TMX4: variants seen among roughly 807,000 people sequenced by gnomAD.
The protein encoded by TMX4 is thioredoxin related transmembrane protein 4.
In TMX4, 23 loss-of-function variants were observed where a neutral mutation model predicts 33.3. The ratio of observed to expected loss-of-function variants is 0.69; its 90% CI spans 0.50 to 0.98. TMX4 has a LOEUF of 0.98. TMX4 is among the 50% of genes least tolerant of loss of function. The probability of loss-of-function intolerance (pLI) is 0.00; values close to 1 mark genes in which losing one functional copy is unlikely to be tolerated. For synonymous variants in TMX4, 164 were observed against 161.5 expected, an observed-to-expected ratio of 1.02 and a Z score of -0.12; for missense variants, 399 against 448.9, an observed-to-expected ratio of 0.89 and a Z score of 1.01.
chr20:8,008,667 C>T (rs993895371), intron 2 of TMX4, among the ~76,000 whole-genome samples: 10 of 152,112 alleles, frequency 6.6e-5, no homozygotes. Flanking sequence ...TTTTAAGAAA[C>T]CCATCATAAA....
At chr20:8,018,473 AGGGAGGGG>A (rs1568541237) in intron 1 of TMX4, among the ~76,000 whole-genome samples, 1 of 19,846 alleles carries the variant, frequency 5.0e-5, no homozygotes, top group African/African-American at 2.3e-4. Context: ...GGAGGGAGGG[AGGGAGGGG>A]GAGAGAGAGA....
At chr20:8,016,792 A>G (rs1439793144) in intron 1 of TMX4, among the ~76,000 whole-genome samples, 3 of 152,180 alleles carry the variant, frequency 2.0e-5, no homozygotes. Flanking sequence ...ATACATTTTG[A>G]TATCGGAAAG....
intron 6 of TMX4, among the ~76,000 whole-genome samples, chr20:7,985,156 T>C (rs973135472): frequency 1.3e-5 from 2 of 151,918 alleles, no homozygotes; most frequent in Non-Finnish European, 2.9e-5. Context: ...AATTAAAGGT[T>C]ACTAAAAGCA....
chr20:7,999,680 C>T, intron 4 of TMX4, 52 bp downstream of exon 4: 2 of 1,575,058 alleles, frequency 1.3e-6, no homozygotes, highest in East Asian at 2.3e-5. Flanking sequence ...AGGCTATTAA[C>T]TTAAAACCTC....
In TMX4 at chr20:7,977,839, G is replaced by A. The variant is rs1304398517; in HGVS notation, c.*4412C>T. 6.6e-6 allele frequency: 1 copy of A among 152,184 alleles called. No individual in the cohort carries two copies. Among genetic ancestry groups the A allele is most frequent in the Non-Finnish European group, 1.5e-5 (1 of 68,038 alleles). The allele number at this position is 152,184 out of a possible 1,614,324, so 9.4% of individuals were successfully genotyped here. On this transcript the variant is annotated 3_prime_UTR_variant, in exon 8 of 8. Transcript: ENST00000246024. Reference sequence around the variant, plus strand: ...AAGTTGTACGAGTCACACATATACAGTGTCACAGTCTACATAAAGCTTTAC... The same window carrying A: ...AAGTTGTACGAGTCACACATATACAATGTCACAGTCTACATAAAGCTTTAC...
intron 3 of TMX4, among the ~76,000 whole-genome samples, chr20:8,000,895 A>G (rs548795947): frequency 9.2e-5 from 14 of 152,224 alleles, no homozygotes; most frequent in South Asian, 6.2e-4. Context: ...ATGGCTCCTA[A>G]TCATGAAGGC....
chr20:7,994,744 G>A (rs1339073171), intron 5 of TMX4, among the ~76,000 whole-genome samples: 2 of 152,096 alleles, frequency 1.3e-5, no homozygotes, highest in African/African-American at 4.8e-5. Flanking sequence ...AATGCTACAC[G>A]GCTCAAACAG....
chr20:7,990,193 A>G (rs909356587), intron 5 of TMX4, among the ~76,000 whole-genome samples: 2 of 151,818 alleles, frequency 1.3e-5, no homozygotes, highest in Non-Finnish European at 2.9e-5. Flanking sequence ...TATTTGGGAG[A>G]CTGGGGCAGG....
intron 4 of TMX4, among the ~76,000 whole-genome samples, chr20:7,997,185 T>A (rs540082636): frequency 1.3e-5 from 2 of 152,218 alleles, no homozygotes; most frequent in Admixed American, 1.3e-4. Flanking sequence ...CCATGACTCA[T>A]CCCCAAGTAC....
Position 7,982,539 on chromosome 20 carries a change from T to G in TMX4, c.762A>C (p.Glu254Asp). ...AEEEKDDSNEEENKDSLVDDE... is the reference protein window; with the variant it reads ...AEEEKDDSNEDENKDSLVDDE... ...CATCTACAAGGCTGTCTTTGTTTTC[T>G]TCTTCATTTGAATCATCTTTTTCCT... Residue 254 changes from glutamate (E) to aspartate (D), a missense_variant, in exon 8 of 8, where the codon GAA becomes GAC. Glu to Asp is a conservative substitution (Grantham distance 45, BLOSUM62 2). Transcript: ENST00000246024. The G allele has an allele frequency of 1.2e-6, 2 of 1,613,994 alleles. No individual in the cohort carries two copies. The highest frequency in any genetic ancestry group is 1.7e-6 in the Non-Finnish European group (2 of 1,179,928).
chr20:7,992,648 G>C (rs2050660017), intron 5 of TMX4, among the ~76,000 whole-genome samples: 1 of 152,104 alleles, frequency 6.6e-6, no homozygotes, highest in Non-Finnish European at 1.5e-5. Flanking sequence ...GAGTTGATAG[G>C]AATTCGGCCA....
chr20:8,001,305 C>T (rs931258868), intron 3 of TMX4, among the ~76,000 whole-genome samples, 191 bp downstream of exon 3: 1 of 152,198 alleles, frequency 6.6e-6, no homozygotes, highest in Non-Finnish European at 1.5e-5. Context: ...CTACGCCTGA[C>T]ATTAGGACCT....
At chr20:8,002,827 A>T (rs747451275) in intron 2 of TMX4, among the ~76,000 whole-genome samples, 4 of 152,208 alleles carry the variant, frequency 2.6e-5, no homozygotes, top group African/African-American at 4.8e-5. Flanking sequence ...TTCATTTCAG[A>T]CCAAGTGGAT....
chr20:7,982,629 G>A lies in TMX4; in HGVS notation c.680-8C>T. On this transcript the variant is annotated splice_polypyrimidine_tract_variant and splice_region_variant and intron_variant, in intron 7 of 7. Coordinates refer to ENST00000246024, the MANE Select transcript of TMX4 (RefSeq NM_021156.4). ...CTGATCTCCGATTCTGCTCTATGGA[G>A]GGAAGAAAGAGGAATATCCTCTGAA... is the stretch of plus-strand genomic sequence containing the variant. The A allele has an allele frequency of 6.2e-7, 1 of 1,602,606 alleles. No individual in the cohort carries two copies.
chr20:8,004,085 C>T (rs2050717881), intron 2 of TMX4, among the ~76,000 whole-genome samples: 1 of 151,168 alleles, frequency 6.6e-6, no homozygotes, highest in Non-Finnish European at 1.5e-5. Context: ...TGACACGCTA[C>T]TAAATCCCTG....
chr20:7,997,152 C>G (rs1217521527), intron 4 of TMX4, among the ~76,000 whole-genome samples: 1 of 152,152 alleles, frequency 6.6e-6, no homozygotes, highest in Non-Finnish European at 1.5e-5. Flanking sequence ...CTTCTCAACA[C>G]AGTTTCTTAA....
intron 1 of TMX4, among the ~76,000 whole-genome samples, chr20:8,016,496 C>T (rs545274861): frequency 1.3e-5 from 2 of 152,306 alleles, no homozygotes; most frequent in East Asian, 1.9e-4. Flanking sequence ...ATACTTTTAA[C>T]TCATACATTT....
chr20:8,009,174 G>T (rs1172648683), intron 2 of TMX4, among the ~76,000 whole-genome samples: 2 of 151,966 alleles, frequency 1.3e-5, no homozygotes. Flanking sequence ...ATTATAAAAG[G>T]CCATCTTTTC....
chr20:7,977,546 G>A lies in TMX4; in HGVS notation c.*4705C>T, dbSNP rs1268904907. 6.6e-6 allele frequency: 1 copy of A among 152,144 alleles called. No homozygotes were observed. The highest frequency in any genetic ancestry group is 1.5e-5 in the Non-Finnish European group (1 of 68,020). The allele number at this position is 152,144 out of a possible 1,614,324, so 9.4% of individuals were successfully genotyped here. A position where few individuals can be genotyped will look rare whatever the true frequency, so the allele number is the denominator to read the frequency against. On this transcript the variant is annotated 3_prime_UTR_variant, in exon 8 of 8. Coordinates refer to ENST00000246024, the MANE Select transcript of TMX4 (RefSeq NM_021156.4). The stretch of plus-strand genomic sequence containing the variant: ...AGGATCAGGGATTATATACAATACT[G>A]TGATCAAGTGATTTGTGATTCAGGC...
Sources: allele counts gnomAD v4.1 joint callset (sites outside exome capture counted in the v4.1 genomes callset), GRCh38; gene constraint gnomAD v4.1.1; transcripts MANE v1.5; gene names NCBI Gene and HGNC (gene_info 2026-07-23, HGNC 2026-07-21).